The following CTNNA2 variants were observed in gnomAD, a reference collection of about 807,000 sequenced individuals.
CTNNA2 encodes the protein catenin alpha-2.
In CTNNA2, 42 loss-of-function variants were observed where a neutral mutation model predicts 101.0. The ratio of observed to expected loss-of-function variants is 0.42; its 90% CI spans 0.32 to 0.54. The LOEUF (loss-of-function observed/expected upper bound fraction) is 0.54, where lower values mean the gene tolerates loss of function less well. CTNNA2 is among the 20% of genes least tolerant of loss of function. CTNNA2 has a pLI of 0.14. For synonymous variants in CTNNA2, 450 were observed against 456.4 expected (o/e 0.99, Z 0.18); for missense variants, 871 against 1,223.1 (o/e 0.71, Z 4.29).
At chr2:79,679,425 C>CT (rs1214205352) in intron 2 of CTNNA2, among the ~76,000 whole-genome samples, 1 of 152,110 alleles carries the variant, frequency 6.6e-6, no homozygotes, top group African/African-American at 2.4e-5. Context: ...TCCCCGAGCC[C>CT]TTTTTTATCC....
At chr2:80,619,367 A>T in intron 18 of CTNNA2, 139 bp downstream of exon 18, 1 of 934,012 alleles carries the variant, frequency 1.1e-6, no homozygotes, top group African/African-American at 1.7e-5. Context: ...CAAAGGACTT[A>T]TTTATTCTTT....
chr2:80,426,389 G>A (rs1376041160), intron 9 of CTNNA2, among the ~76,000 whole-genome samples: 1 of 152,138 alleles, frequency 6.6e-6, no homozygotes, highest in Non-Finnish European at 1.5e-5. Context: ...CTCTGAACTT[G>A]TTTTATTCCT....
At chr2:79,602,515 G>C (rs1273871382) in intron 1 of CTNNA2, among the ~76,000 whole-genome samples, 1 of 152,138 alleles carries the variant, frequency 6.6e-6, no homozygotes, top group African/African-American at 2.4e-5. Flanking sequence ...TTCTGCACAT[G>C]ATAGTGATAC....
chr2:80,183,449 G>T (rs1053742609), intron 7 of CTNNA2, among the ~76,000 whole-genome samples: 2 of 152,116 alleles, frequency 1.3e-5, no homozygotes. Context: ...CCACAAAAAT[G>T]CTGTGTAAAA....
intron 7 of CTNNA2, among the ~76,000 whole-genome samples, chr2:80,227,255 A>G (rs2149066657): frequency 6.6e-6 from 1 of 152,312 alleles, no homozygotes; most frequent in East Asian, 1.9e-4. Flanking sequence ...GCATTATTTC[A>G]TGAAATAATA....
chr2:80,388,495 A>G (rs1420378105), intron 7 of CTNNA2, among the ~76,000 whole-genome samples: 2 of 152,208 alleles, frequency 1.3e-5, no homozygotes, highest in Non-Finnish European at 2.9e-5. Context: ...TGTAACAGGA[A>G]AGTATAGTTA....
At chr2:79,750,406 A>AT (rs932635841) in intron 3 of CTNNA2, among the ~76,000 whole-genome samples, 1 of 152,134 alleles carries the variant, frequency 6.6e-6, no homozygotes, top group Non-Finnish European at 1.5e-5. Flanking sequence ...AGGTGATTTC[A>AT]TTTTACAGCC....
rs184822226 is a variant in CTNNA2 at position 80,103,059 on chromosome 2, A to G, written c.1056+193262A>G. Reference sequence around the variant, plus strand: ...GCTCATATGTGGGGGCCATCTCTGCACTGTCCCACCCTGGCATTGACCTAC... The same window carrying G: ...GCTCATATGTGGGGGCCATCTCTGCGCTGTCCCACCCTGGCATTGACCTAC... On this transcript the variant is annotated intron_variant, in intron 7 of 18. Transcript: ENST00000402739. Among the ~76,000 whole-genome samples, 172 of 152,226 alleles carry G rather than the reference A, an allele frequency of 1.1e-3. 4 individuals carry two copies. The East Asian group carries it at 0.033, about 29-fold the overall frequency.
chr2:80,215,893 G>A (rs865908195), intron 7 of CTNNA2, among the ~76,000 whole-genome samples: 26 of 152,204 alleles, frequency 1.7e-4, no homozygotes, highest in African/African-American at 6.0e-4. Flanking sequence ...GCCTCCTTGA[G>A]CTGCAGTGGG....
chr2:80,415,816 T>C (rs1679986656), intron 8 of CTNNA2, among the ~76,000 whole-genome samples: 2 of 152,158 alleles, frequency 1.3e-5, no homozygotes, highest in African/African-American at 4.8e-5. Context: ...AAAAATGTGA[T>C]AGGCAGATAA....
chr2:79,809,935 G>A (rs1425422966), intron 3 of CTNNA2, among the ~76,000 whole-genome samples: 1 of 151,936 alleles, frequency 6.6e-6, no homozygotes, highest in Non-Finnish European at 1.5e-5. Flanking sequence ...CACTAAATAC[G>A]GAAAGGAAAA....
intron 7 of CTNNA2, among the ~76,000 whole-genome samples, chr2:79,944,596 T>G (rs1196112026): frequency 1.3e-5 from 2 of 151,900 alleles, no homozygotes; most frequent in Non-Finnish European, 2.9e-5. Context: ...TGGAGCGGGG[T>G]GGGGGTAGGG....
At chr2:80,119,327 C>G (rs972836753) in intron 7 of CTNNA2, among the ~76,000 whole-genome samples, 1 of 152,130 alleles carries the variant, frequency 6.6e-6, no homozygotes. Flanking sequence ...GATTGGGTCA[C>G]CAGACTATGA....
intron 1 of CTNNA2, among the ~76,000 whole-genome samples, chr2:79,644,173 G>T (rs1680642094): frequency 6.6e-6 from 1 of 152,084 alleles, no homozygotes; most frequent in Non-Finnish European, 1.5e-5. Flanking sequence ...GAGTAGCTGG[G>T]ATCACAGGTG....
intron 7 of CTNNA2, among the ~76,000 whole-genome samples, chr2:80,029,867 A>C (rs1174591057): frequency 6.6e-6 from 1 of 152,148 alleles, no homozygotes; most frequent in Non-Finnish European, 1.5e-5. Context: ...AGTATTGCCC[A>C]TTTAGCAAAA....
chr2:79,748,387 A>G (rs1671783841), intron 3 of CTNNA2, among the ~76,000 whole-genome samples: 1 of 152,208 alleles, frequency 6.6e-6, no homozygotes, highest in South Asian at 2.1e-4. Flanking sequence ...TTATGGACAC[A>G]CTGACATTTA....
chr2:79,805,653 G>A (rs986053151), intron 3 of CTNNA2, among the ~76,000 whole-genome samples: 1 of 152,106 alleles, frequency 6.6e-6, no homozygotes, highest in African/African-American at 2.4e-5. Context: ...GAGATGATAA[G>A]TTGGCTGGGC....
chr2:79,427,970 A>G lies in CTNNA2; in HGVS notation c.-135+53957A>G, dbSNP rs536830074. On this transcript the variant is annotated intron_variant, in intron 4 of 21. Transcript: ENST00000466387. ...ATAGGACAGTTCTACATCTGACATC[A>G]TTTGTCTTAAATTCCATCAGCCTCA... 2.0e-5 allele frequency among the ~76,000 whole-genome samples: 3 copies of G among 152,204 alleles called. No individual in the cohort carries two copies. The South Asian group carries it at 6.2e-4, about 32-fold the overall frequency.
intron 6 of CTNNA2, among the ~76,000 whole-genome samples, chr2:79,907,431 A>T (rs1189367880): frequency 6.6e-6 from 1 of 152,130 alleles, no homozygotes; most frequent in Non-Finnish European, 1.5e-5. Flanking sequence ...AGAGAAAGAG[A>T]GATGGTTCCA....
Sources: allele counts gnomAD v4.1 joint callset (sites outside exome capture counted in the v4.1 genomes callset), GRCh38; gene constraint gnomAD v4.1.1; transcripts MANE v1.5; gene names NCBI Gene and HGNC (gene_info 2026-07-23, HGNC 2026-07-21).